APOB: variants seen among roughly 807,000 people sequenced by gnomAD.
APOB encodes the protein apolipoprotein B.
A neutral mutation model predicts 314.1 loss-of-function variants in APOB; 153 were observed. The observed-to-expected ratio is 0.49, with a 90% CI of 0.43 to 0.56. APOB has a LOEUF of 0.56. Among genes scored for constraint, APOB ranks in the 20% least tolerant of loss-of-function variants. The probability of loss-of-function intolerance (pLI) is 0.00; values close to 1 mark genes in which losing one functional copy is unlikely to be tolerated. For synonymous variants in APOB, 2,087 were observed against 2,036.4 expected (o/e 1.02, Z -0.67); for missense variants, 5,430 against 5,350.7 (o/e 1.01, Z -0.46).
rs201764222 is a variant in APOB at position 21,019,889 on chromosome 2, C to A, written c.2833G>T (p.Val945Phe). The A allele has an allele frequency of 8.7e-6, 14 of 1,614,124 alleles. No homozygotes were observed. In the Admixed American group the frequency reaches 2.2e-4, roughly 25 times the overall value. The change falls in exon 19 of 29, where the codon GTC (valine) becomes TTC (phenylalanine). Residue 945 changes from valine to phenylalanine, a missense_variant. Physicochemically the swap from Val to Phe is conservative, Grantham distance 50. Coordinates refer to ENST00000233242, the MANE Select transcript of APOB (RefSeq NM_000384.3). ...ATCACCTCCGTTTTGGTGGTAGAGA[C>A]CAAATGTAATGTGTTGCTGGTGAAG... is the stretch of plus-strand genomic sequence containing the variant. ...LLSGGNTLHL[V>F]STTKTEVIPP...
Position 21,008,975 on chromosome 2 carries a change from T to A in APOB, c.7893A>T (p.Ile2631=). ...LTDLRIPSVQ[I]NFKDLKNIKI... ...TTATATTTTTTAAGTCTTTGAAGTT[T>A]ATCTGAACTGATGGAATCCTCAAAT... Residue 2631 remains isoleucine, a synonymous_variant, in exon 26 of 29, where the codon ATA becomes ATT. Transcript: ENST00000233242. The A allele has an allele frequency of 2.5e-6, 4 of 1,614,088 alleles. No individual in the cohort carries two copies. The South Asian group carries it at 3.3e-5, about 13-fold the overall frequency.
Position 21,002,882 on chromosome 2 carries a change from T to A in APOB, c.12540A>T (p.Gln4180His), listed in dbSNP as rs1454526513. 6.2e-7 allele frequency: 1 copy of A among 1,613,616 alleles called. No homozygotes were observed. The highest frequency in any genetic ancestry group is 8.5e-7 in the Non-Finnish European group (1 of 1,179,874). ...GATGCTTGACTTTCATATGGAATTC[T>A]TGAGTAACTCGTACCAAGCCATCAA... ...NVFDGLVRVT[Q>H]EFHMKVKHLI... The change falls in exon 29 of 29, where the codon CAA becomes CAT. Residue 4180 changes from glutamine to histidine, a missense_variant. Coordinates refer to ENST00000233242, the MANE Select transcript of APOB (RefSeq NM_000384.3).
In APOB at chr2:21,008,122, C is replaced by A; in HGVS notation, c.8746G>T (p.Ala2916Ser). The A allele has an allele frequency of 6.2e-7, 1 of 1,614,038 alleles. No individual in the cohort carries two copies. The highest frequency in any genetic ancestry group is 1.3e-5 in the African/African-American group (1 of 75,014). ...LRNEIKTLLK[A>S]GHIAWTSSGK... is the part of the protein sequence containing the mutation. ...GAAGAAGTCCATGCTATGTGGCCAG[C>A]TTTCAACAGTGTCTTGATCTCGTTG... is the stretch of plus-strand genomic sequence containing the variant. The change falls in exon 26 of 29, where the codon GCT (alanine) becomes TCT (serine). Residue 2916 changes from alanine (A) to serine (S), a missense_variant. By Grantham distance (99) the Ala-to-Ser change is moderately conservative. Around this residue, in one of 3 missense-constraint regions of APOB, gnomAD observed 3,281 missense variants for 3,171.0 expected, o/e 1.03. Transcript: ENST00000233242.
rs377054544 is a variant in APOB at position 21,008,773 on chromosome 2, C to G, written c.8095G>C (p.Glu2699Gln). ...PDIYLRDLKV[E>Q]DIPLARITLP... is the part of the protein sequence containing the mutation. ...GTGATTCTCGCTAGAGGAATGTCCTCCACCTTCAGATCCCTGAGATATATA... is the reference window on the plus strand; with the variant it reads ...GTGATTCTCGCTAGAGGAATGTCCTGCACCTTCAGATCCCTGAGATATATA... Residue 2699 changes from glutamate to glutamine, a missense_variant, in exon 26 of 29, where the codon GAG becomes CAG. By Grantham distance (29) the Glu-to-Gln change is conservative. Transcript: ENST00000233242. 2 of 1,613,918 alleles carry G rather than the reference C, an allele frequency of 1.2e-6. No individual in the cohort carries two copies.
chr2:21,025,340 A>T (rs1220042144), intron 15 of APOB, among the ~76,000 whole-genome samples: 2 of 152,164 alleles, frequency 1.3e-5, no homozygotes, highest in Non-Finnish European at 2.9e-5. Context: ...GCTATTCTTA[A>T]TTAAAAAATC....
At chr2:21,015,325 C>T (rs1369083089) in intron 22 of APOB, 45 bp downstream of exon 22, 3 of 1,613,462 alleles carry the variant, frequency 1.9e-6, no homozygotes, top group East Asian at 4.5e-5. Context: ...GGTCTCAACA[C>T]CTGCATTACT....
chr2:21,023,218 G>A (rs1462894453), intron 17 of APOB, among the ~76,000 whole-genome samples, 176 bp from the exon 18 acceptor site: 1 of 152,128 alleles, frequency 6.6e-6, no homozygotes, highest in East Asian at 1.9e-4. Flanking sequence ...TCTAGAGTTG[G>A]AGTATACTAC....
intron 23 of APOB, 101 bp from the exon 24 acceptor site, chr2:21,014,694 G>A: frequency 1.7e-6 from 2 of 1,185,706 alleles, no homozygotes; most frequent in Non-Finnish European, 2.5e-6. Flanking sequence ...TAATTATTAA[G>A]CTGGACAATG....
rs1344261473 is a variant in APOB at position 21,018,499 on chromosome 2, G to A, written c.3121+493C>T. ...TTCCTTTCCTTGAAACATGGTAGTAGTGTGTCAGCCTCAGGGCCTTTGCAC... is the reference window on the plus strand; with the variant it reads ...TTCCTTTCCTTGAAACATGGTAGTAATGTGTCAGCCTCAGGGCCTTTGCAC... On this transcript the variant is annotated intron_variant, in intron 20 of 28. Coordinates refer to ENST00000233242, the MANE Select transcript of APOB (RefSeq NM_000384.3). Among the ~76,000 whole-genome samples the A allele has an allele frequency of 2.0e-5, 3 of 152,074 alleles. No homozygotes were observed. In the South Asian group the frequency reaches 6.2e-4, roughly 32 times the overall value.
intron 28 of APOB, 41 bp from the exon 29 acceptor site, chr2:21,003,375 C>A: frequency 6.5e-7 from 1 of 1,547,160 alleles, no homozygotes; most frequent in Non-Finnish European, 8.9e-7. Flanking sequence ...TTTTCAATTA[C>A]TCCAATTACA....
intron 4 of APOB, among the ~76,000 whole-genome samples, chr2:21,039,826 C>G (rs1223145259): frequency 6.6e-6 from 1 of 152,128 alleles, no homozygotes; most frequent in African/African-American, 2.4e-5. Flanking sequence ...CCCTCATATA[C>G]AGTTAAGTCT....
Position 21,027,931 on chromosome 2 carries a change from A to G in APOB, c.1964T>C (p.Ile655Thr), listed in dbSNP as rs1663776424. The change falls in exon 14 of 29, where the codon ATA (isoleucine) becomes ACA (threonine). Residue 655 changes from isoleucine (I) to threonine (T), a missense_variant. Coordinates refer to ENST00000233242, the MANE Select transcript of APOB (RefSeq NM_000384.3). Reference sequence around the variant, plus strand: ...TGGATCAAATATAAGATTCCCTTCTATTTTGGCTGAGGCTGGGTCAAGTGA... The same window carrying G: ...TGGATCAAATATAAGATTCCCTTCTGTTTTGGCTGAGGCTGGGTCAAGTGA... ...LPSLDPASAK[I>T]EGNLIFDPNN... The G allele has an allele frequency of 1.2e-6, 2 of 1,614,162 alleles. No homozygotes were observed. Among genetic ancestry groups the G allele is most frequent in the Non-Finnish European group, 1.7e-6 (2 of 1,179,980 alleles).
At chr2:21,017,253 G>A (rs1222502585) in intron 20 of APOB, among the ~76,000 whole-genome samples, 1 of 152,034 alleles carries the variant, frequency 6.6e-6, no homozygotes, top group African/African-American at 2.4e-5. Context: ...CCTATTGTGT[G>A]CTGGGCACTG....
chr2:21,005,140 C>A lies in APOB; in HGVS notation c.11728G>T (p.Glu3910Ter). The A allele has an allele frequency of 6.2e-7, 1 of 1,613,994 alleles. No homozygotes were observed. Among genetic ancestry groups the A allele is most frequent in the Non-Finnish European group, 8.5e-7 (1 of 1,179,934 alleles). ...ASLKNKADYV[E>*]TVLDSTCSST... ...CTGCATGTGGAATCCAGGACTGTTT[C>A]AACATAATCTGCTTTGTTTTTCAAA... is the stretch of plus-strand genomic sequence containing the variant. The change falls in exon 26 of 29, where the codon GAA (glutamate) becomes TAA (stop). Residue 3910 changes from glutamate to a stop codon, truncating the protein, a stop_gained. Transcript: ENST00000233242. LOFTEE classifies it high-confidence loss of function.
intron 8 of APOB, 44 bp downstream of exon 8, chr2:21,034,772 T>C (rs1314799318): frequency 7.2e-6 from 8 of 1,110,318 alleles, no homozygotes; most frequent in Middle Eastern, 2.0e-4. Context: ...GATAGGCACA[T>C]CTTGAGTAGA....
intron 3 of APOB, among the ~76,000 whole-genome samples, chr2:21,041,953 T>C (rs556913037): frequency 1.3e-5 from 2 of 152,224 alleles, no homozygotes; most frequent in African/African-American, 2.4e-5. Flanking sequence ...TTTCCATTCA[T>C]TTTTCAGCAA....
intron 4 of APOB, among the ~76,000 whole-genome samples, chr2:21,040,047 G>A (rs929726823): frequency 6.6e-6 from 1 of 152,112 alleles, no homozygotes; most frequent in African/African-American, 2.4e-5. Context: ...TTGAATCATG[G>A]GGGCAGGTCT....
At chr2:21,013,115 T>C (rs1663373083) in intron 25 of APOB, 45 bp downstream of exon 25, 1 of 1,611,920 alleles carries the variant, frequency 6.2e-7, no homozygotes, top group African/African-American at 1.3e-5. Flanking sequence ...TCTTAGAGCC[T>C]GCCATGAACT....
Position 21,006,015 on chromosome 2 carries a change from TG to T in APOB, c.10852del (p.Gln3618ArgfsTer5), listed in dbSNP as rs1663126920. On this transcript the variant is annotated frameshift_variant, in exon 26 of 29. Transcript: ENST00000233242. LOFTEE classifies it high-confidence loss of function. ...SSFHDFPDLGQEVALNANTKN... is the reference protein window; with the variant it reads ...SSFHDFPDLGXEVALNANTKN... ...AGTGTTAGCATTCAGGGCCACTTCC[TG>T]GCCAAGGTCAGGGAAATCATGGAAG... 3 of 1,613,924 alleles carry T rather than the reference TG, an allele frequency of 1.9e-6. No homozygotes were observed. Among genetic ancestry groups the T allele is most frequent in the Non-Finnish European group, 2.5e-6 (3 of 1,179,968 alleles).
Sources: gnomAD v4.1 joint callset for allele counts (sites outside exome capture counted in the v4.1 genomes callset) on GRCh38, gnomAD v4.1.1 for gene constraint, gnomAD v4.1.1 regional missense constraint, MANE v1.5 for transcripts, NCBI Gene and HGNC (gene_info 2026-07-23, HGNC 2026-07-21) for gene names.